The following NEXN variants were observed in gnomAD, a reference collection of about 807,000 sequenced individuals.
NEXN encodes nexilin F-actin binding protein.
In NEXN, 65 loss-of-function variants were observed where a neutral mutation model predicts 92.6. The ratio of observed to expected loss-of-function variants is 0.70; its 90% CI spans 0.57 to 0.86. The LOEUF (loss-of-function observed/expected upper bound fraction) is 0.86, where lower values mean the gene tolerates loss of function less well. Among genes scored for constraint, NEXN ranks in the 40% least tolerant of loss-of-function variants. NEXN has a pLI of 0.00. For missense variants in NEXN, 778 were observed against 771.1 expected (o/e 1.01, Z -0.11); for synonymous variants, 254 against 242.5 (o/e 1.05, Z -0.44).
intron 5 of NEXN, among the ~76,000 whole-genome samples, chr1:77,922,132 A>G (rs1458006378): frequency 7.3e-6 from 1 of 137,134 alleles, no homozygotes; most frequent in Non-Finnish European, 1.5e-5. Context: ...TCTTTTAAAA[A>G]GAGAAGTCTT....
intron 1 of NEXN, among the ~76,000 whole-genome samples, chr1:77,913,764 A>G (rs1023366002): frequency 6.6e-6 from 1 of 152,174 alleles, no homozygotes; most frequent in African/African-American, 2.4e-5. Context: ...TCCAGTAATC[A>G]TGGTCCACAA....
At position 77,929,480 on chromosome 1, in the gene NEXN, G is replaced by T; in HGVS notation, c.1029G>T (p.Ala343=). The T allele has an allele frequency of 6.2e-7, 1 of 1,612,778 alleles. No homozygotes were observed. Residue 343 remains alanine (A), a synonymous_variant, in exon 9 of 13, where the codon GCG becomes GCT. Transcript: ENST00000334785. ...ARRRIEEEKK[A]FAEARRNMVV... ...GGAGAATAGAGGAAGAAAAGAAGGC[G>T]TTTGCTGAAGCAAGGAGAAATATGG... is the stretch of plus-strand genomic sequence containing the variant.
chr1:77,933,166 A>G (rs1361059985), intron 9 of NEXN, 116 bp from the exon 10 acceptor site: 16 of 751,606 alleles, frequency 2.1e-5, no homozygotes, highest in Non-Finnish European at 3.5e-5. Context: ...CATCTCAAAA[A>G]ACAAAAACAA....
At position 77,916,054 on chromosome 1, in the gene NEXN, G is replaced by A; in HGVS notation, c.-52-1G>A. The A allele has an allele frequency of 1.6e-6, 2 of 1,288,328 alleles. No individual in the cohort carries two copies. Among genetic ancestry groups the A allele is most frequent in the Non-Finnish European group, 2.1e-6 (2 of 975,486 alleles). 79.8% of individuals were successfully genotyped at this position (1,288,328 alleles called of 1,614,324 possible). A position where few individuals can be genotyped will look rare whatever the true frequency, so the allele number is the denominator to read the frequency against. ...TATTATACAATATAAATTTTTTTCA[G>A]GTGCAAATATATACAGAGCTTCATA... On this transcript the variant is annotated splice_acceptor_variant, in intron 1 of 12. Transcript: ENST00000334785. LOFTEE classifies it low-confidence loss of function (5UTR_SPLICE).
Position 77,911,908 on chromosome 1 carries a change from G to GTC in NEXN, c.-52-4143_-52-4142dup, listed in dbSNP as rs536086162. ...AGCCTGACCAACATGGTGAAACCCC[G>GTC]TCTCTACTAAAAATACAAAAATTAG... is the stretch of plus-strand genomic sequence containing the variant. On this transcript the variant is annotated intron_variant, in intron 1 of 12. Transcript: ENST00000334785. Among the ~76,000 whole-genome samples, 71 of 151,688 alleles carry GTC rather than the reference G, an allele frequency of 4.7e-4. 1 individual carries two copies. In the South Asian group the frequency reaches 0.015, roughly 32 times the overall value.
At chr1:77,899,552 A>T (rs945676542) in intron 1 of NEXN, among the ~76,000 whole-genome samples, 7 of 152,130 alleles carry the variant, frequency 4.6e-5, no homozygotes, top group Admixed American at 3.9e-4. Context: ...AGATATACCT[A>T]ATGCTAAATG....
At chr1:77,902,213 C>T (rs2102051183) in intron 1 of NEXN, among the ~76,000 whole-genome samples, 1 of 152,256 alleles carries the variant, frequency 6.6e-6, no homozygotes, top group Admixed American at 6.5e-5. Flanking sequence ...ATATGAAAAT[C>T]ACCTAGTTTA....
intron 1 of NEXN, among the ~76,000 whole-genome samples, chr1:77,897,331 C>G (rs951701971): frequency 1.5e-4 from 23 of 152,188 alleles, no homozygotes; most frequent in African/African-American, 5.5e-4. Flanking sequence ...GGGCTTCATC[C>G]CTGGGATGTG....
At chr1:77,932,092 T>TA (rs1275473652) in intron 9 of NEXN, 1 of 152,188 alleles carries the variant, frequency 6.6e-6, no homozygotes, top group Non-Finnish European at 1.5e-5. Flanking sequence ...CACACCTGGC[T>TA]AATTTTTGTA....
intron 11 of NEXN, among the ~76,000 whole-genome samples, chr1:77,939,790 C>T (rs930865363): frequency 1.3e-5 from 2 of 152,154 alleles, no homozygotes; most frequent in Non-Finnish European, 2.9e-5. Context: ...AACTTGTTAG[C>T]GGCTGAGCGC....
intron 1 of NEXN, among the ~76,000 whole-genome samples, chr1:77,904,044 A>G (rs1647920648): frequency 6.6e-6 from 1 of 152,052 alleles, no homozygotes; most frequent in South Asian, 2.1e-4. Context: ...CCAAGCTGGA[A>G]TGCAGTGGTG....
chr1:77,942,192 A>C lies in NEXN; in HGVS notation c.1643A>C (p.Asp548Ala). ...LRMQFEQREIDAALQKKREEE... is the reference protein window; with the variant it reads ...LRMQFEQREIAAALQKKREEE... ...ATGCAGTTTGAACAAAGGGAAATTG[A>C]TGCAGCACTACAAAAGGTACCAGGC... Residue 548 changes from aspartate (D) to alanine (A), a missense_variant, in exon 12 of 13, where the codon GAT (aspartate) becomes GCT (alanine). Physicochemically the swap from Asp to Ala is moderately radical, Grantham distance 126. Coordinates refer to ENST00000334785, the MANE Select transcript of NEXN (RefSeq NM_144573.4). The C allele has an allele frequency of 6.2e-7, 1 of 1,613,796 alleles. No homozygotes were observed. The highest frequency in any genetic ancestry group is 8.5e-7 in the Non-Finnish European group (1 of 1,179,726).
At chr1:77,889,415 G>C (rs1344009645) in intron 1 of NEXN, 1 of 147,892 alleles carries the variant, frequency 6.8e-6, no homozygotes, top group Non-Finnish European at 1.5e-5. Context: ...GAGCAACTAG[G>C]GCTGGAAGTT....
chr1:77,918,655 G>C (rs570131153), intron 5 of NEXN, among the ~76,000 whole-genome samples: 3 of 125,996 alleles, frequency 2.4e-5, no homozygotes, highest in Non-Finnish European at 4.8e-5. Flanking sequence ...GACAGGGCAA[G>C]ACCTATCTCA....
At chr1:77,935,462 A>G (rs956649820) in intron 10 of NEXN, among the ~76,000 whole-genome samples, 1 of 152,252 alleles carries the variant, frequency 6.6e-6, no homozygotes, top group Non-Finnish European at 1.5e-5. Flanking sequence ...AGAGGATTTT[A>G]GCCATATTTC....
intron 5 of NEXN, among the ~76,000 whole-genome samples, chr1:77,922,103 A>G (rs1259784914): frequency 6.7e-6 from 1 of 149,934 alleles, no homozygotes; most frequent in Non-Finnish European, 1.5e-5. Flanking sequence ...AACATGATTT[A>G]TACAGGAGTT....
intron 2 of NEXN, among the ~76,000 whole-genome samples, chr1:77,916,902 C>T (rs146767002): frequency 6.6e-6 from 1 of 152,280 alleles, no homozygotes; most frequent in African/African-American, 2.4e-5. Flanking sequence ...ATTCCTCTTA[C>T]AGCCCGCCCC....
chr1:77,910,388 T>C (rs1442250772), intron 1 of NEXN, among the ~76,000 whole-genome samples: 1 of 152,092 alleles, frequency 6.6e-6, no homozygotes, highest in African/African-American at 2.4e-5. Context: ...AGTAGAACTG[T>C]GCTCACCGAT....
intron 1 of NEXN, among the ~76,000 whole-genome samples, chr1:77,896,844 C>A (rs1294954247): frequency 7.9e-5 from 12 of 151,862 alleles, no homozygotes; most frequent in Non-Finnish European, 1.6e-4. Flanking sequence ...ACCGATCCCA[C>A]AGAAATACAA....
Sources: allele counts gnomAD v4.1 joint callset (sites outside exome capture counted in the v4.1 genomes callset), GRCh38; gene constraint gnomAD v4.1.1; transcripts MANE v1.5; gene names NCBI Gene and HGNC (gene_info 2026-07-23, HGNC 2026-07-21).